Variants in C8orf34 observed in about 807,000 individuals in gnomAD.
The protein encoded by C8orf34 is uncharacterized protein C8orf34.
C8orf34 carries 65 observed loss-of-function variants against 68.3 expected under a neutral mutation model. That is an observed-to-expected ratio of 0.95 (90% confidence interval 0.78 to 1.17). C8orf34 has a LOEUF of 1.17. Among genes scored for constraint, C8orf34 ranks in the 50% most tolerant of loss-of-function variants. The probability of loss-of-function intolerance (pLI) is 0.00; values close to 1 mark genes in which losing one functional copy is unlikely to be tolerated. For missense variants in C8orf34, 664 were observed against 655.4 expected (o/e 1.01, Z -0.14); for synonymous variants, 244 against 241.2 (o/e 1.01, Z -0.11).
intron 9 of C8orf34, 130 bp downstream of exon 9, chr8:68,709,209 C>A: frequency 1.5e-6 from 1 of 684,488 alleles, no homozygotes; most frequent in Non-Finnish European, 2.6e-6. Context: ...CACATATCTA[C>A]CGCTGGCACA....
At chr8:68,788,403 G>T (rs984782251) in intron 12 of C8orf34, among the ~76,000 whole-genome samples, 2 of 152,172 alleles carry the variant, frequency 1.3e-5, no homozygotes, top group Non-Finnish European at 2.9e-5. Flanking sequence ...CATACTGTGG[G>T]TTTATGTGGT....
chr8:68,761,765 T>A (rs1464651201), intron 10 of C8orf34, among the ~76,000 whole-genome samples: 2 of 152,210 alleles, frequency 1.3e-5, no homozygotes, highest in Non-Finnish European at 2.9e-5. Flanking sequence ...AATAGCTTTT[T>A]TAGTAGCTTC....
In C8orf34 at chr8:68,554,984, T is replaced by C. The variant is rs552961010; in HGVS notation, c.1105+21835T>C. On this transcript the variant is annotated intron_variant, in intron 7 of 13. Transcript: ENST00000518698. ...GGTAGCTTTACTCTGTTTACATTTA[T>C]TGTGGATCTGAAAATACTTGGCTTT... 3.9e-5 allele frequency among the ~76,000 whole-genome samples: 6 copies of C among 152,310 alleles called. No homozygotes were observed. The East Asian group carries it at 1.2e-3, about 29-fold the overall frequency.
chr8:68,645,315 A>T (rs1563582460), intron 8 of C8orf34, among the ~76,000 whole-genome samples: 1 of 152,170 alleles, frequency 6.6e-6, no homozygotes. Context: ...TTTTTCTCGC[A>T]TGCTGGAATA....
In C8orf34 at chr8:68,767,153, G is replaced by A. The variant is rs572327211; in HGVS notation, c.1405-9246G>A. ...AGGTTGCAGTGAGATGAGATCTCAC[G>A]CCACTGCACTCCAGCCTAGGCAACA... On this transcript the variant is annotated intron_variant, in intron 10 of 13. Transcript: ENST00000518698. Among the ~76,000 whole-genome samples the A allele has an allele frequency of 1.1e-4, 16 of 152,180 alleles. No homozygotes were observed. In the South Asian group the frequency reaches 2.7e-3, roughly 26 times the overall value.
chr8:68,446,667 T>G (rs1811138285), intron 3 of C8orf34: 1 of 552,298 alleles, frequency 1.8e-6, no homozygotes, highest in South Asian at 2.8e-5. Flanking sequence ...CATGTGTAAT[T>G]CACTTGGACC....
At chr8:68,457,028 T>A (rs1457988701) in intron 3 of C8orf34, among the ~76,000 whole-genome samples, 1 of 152,190 alleles carries the variant, frequency 6.6e-6, no homozygotes, top group African/African-American at 2.4e-5. Flanking sequence ...CCATTTCAAA[T>A]TTATAATCCA....
intron 10 of C8orf34, among the ~76,000 whole-genome samples, chr8:68,759,690 C>G (rs1393200946): frequency 1.3e-5 from 2 of 152,190 alleles, no homozygotes; most frequent in Non-Finnish European, 2.9e-5. Context: ...TTCTGACTAC[C>G]TTTCAGATTA....
chr8:68,698,158 G>A (rs563188358), intron 8 of C8orf34, among the ~76,000 whole-genome samples: 1 of 152,136 alleles, frequency 6.6e-6, no homozygotes, highest in Admixed American at 6.6e-5. Flanking sequence ...TTGTGATACT[G>A]TATATCACTG....
intron 5 of C8orf34, among the ~76,000 whole-genome samples, chr8:68,507,538 G>A (rs576549907): frequency 6.6e-6 from 1 of 152,316 alleles, no homozygotes; most frequent in East Asian, 1.9e-4. Flanking sequence ...CACCTAGAGA[G>A]TGGGAACTGG....
intron 4 of C8orf34, among the ~76,000 whole-genome samples, chr8:68,487,689 T>C (rs1223429306): frequency 3.3e-5 from 5 of 152,254 alleles, no homozygotes; most frequent in Non-Finnish European, 7.3e-5. Context: ...GGCTAAATTA[T>C]ACTTTATTGT....
intron 11 of C8orf34, among the ~76,000 whole-genome samples, chr8:68,781,349 C>T (rs755875632): frequency 1.3e-5 from 2 of 152,096 alleles, no homozygotes; most frequent in Non-Finnish European, 2.9e-5. Flanking sequence ...CAACCATGTT[C>T]CATGTGATAA....
At chr8:68,660,264 A>G (rs1161930049) in intron 8 of C8orf34, among the ~76,000 whole-genome samples, 1 of 152,178 alleles carries the variant, frequency 6.6e-6, no homozygotes, top group Non-Finnish European at 1.5e-5. Context: ...AAAGAGGGGA[A>G]CAAGCTGTCC....
At chr8:68,707,346 A>T (rs1821195492) in intron 8 of C8orf34, among the ~76,000 whole-genome samples, 1 of 152,158 alleles carries the variant, frequency 6.6e-6, no homozygotes, top group Non-Finnish European at 1.5e-5. Flanking sequence ...TGCGTTTTTA[A>T]TCCATAGCCA....
intron 7 of C8orf34, among the ~76,000 whole-genome samples, chr8:68,589,686 G>C (rs961854146): frequency 7.3e-6 from 1 of 137,820 alleles, no homozygotes; most frequent in East Asian, 2.2e-4. Flanking sequence ...GAGGAAGGAA[G>C]AAGAAAGAAC....
At chr8:68,812,535 AT>A (rs1157697112) in intron 12 of C8orf34, among the ~76,000 whole-genome samples, 9 of 152,088 alleles carry the variant, frequency 5.9e-5, no homozygotes, top group African/African-American at 9.6e-5. Context: ...AAACTTTAAA[AT>A]TTTTTTTAAG....
At chr8:68,782,350 A>G (rs1205622444) in intron 11 of C8orf34, among the ~76,000 whole-genome samples, 1 of 152,040 alleles carries the variant, frequency 6.6e-6, no homozygotes, top group Non-Finnish European at 1.5e-5. Flanking sequence ...TTAATAATTC[A>G]TAAATTTAAA....
At chr8:68,584,420 C>T (rs1250937199) in intron 7 of C8orf34, among the ~76,000 whole-genome samples, 1 of 152,188 alleles carries the variant, frequency 6.6e-6, no homozygotes, top group Non-Finnish European at 1.5e-5. Context: ...TTTGTCCCAC[C>T]ATCTGAGATA....
chr8:68,535,777 TA>T (rs1486724475), intron 7 of C8orf34: 1 of 959,190 alleles, frequency 1.0e-6, no homozygotes, highest in Non-Finnish European at 1.2e-6. Context: ...ATTGCAAAAG[TA>T]ACTTAATATG....
Sources: allele counts gnomAD v4.1 joint callset (sites outside exome capture counted in the v4.1 genomes callset), GRCh38; gene constraint gnomAD v4.1.1; transcripts MANE v1.5; gene names NCBI Gene and HGNC (gene_info 2026-07-23, HGNC 2026-07-21).